The following PHACTR2 variants were observed in gnomAD, a reference collection of about 807,000 sequenced individuals.
PHACTR2 encodes chromosome 6 open reading frame 56.
Under a neutral mutation model 76.0 loss-of-function variants are expected in PHACTR2, and 30 were observed. The ratio of observed to expected loss-of-function variants is 0.39; its 90% CI spans 0.30 to 0.54. The LOEUF (loss-of-function observed/expected upper bound fraction) is 0.54, where lower values mean the gene tolerates loss of function less well. Ranked by LOEUF, PHACTR2 falls within the 20% of genes least tolerant of loss-of-function variation. The pLI is 0.61. For missense variants in PHACTR2, 696 were observed against 781.1 expected, an observed-to-expected ratio of 0.89 and a Z score of 1.30; for synonymous variants, 292 against 292.5, an observed-to-expected ratio of 1.00 and a Z score of 0.02.
chr6:143,803,113 G>C lies in PHACTR2; in HGVS notation c.1846-3944G>C, dbSNP rs1320420035. On this transcript the variant is annotated intron_variant, in intron 11 of 12. Coordinates refer to ENST00000440869, the MANE Select transcript of PHACTR2 (RefSeq NM_001100164.2). This position sits in a 1 kb window ranked among gnomAD's most constrained non-coding sequence, Gnocchi z 4.7. ...AGACTGTAGGATGTGAGGTTAAAAG[G>C]CTTGTGTATGAGCCCCATGTTTGTC... is the stretch of plus-strand genomic sequence containing the variant. Among the ~76,000 whole-genome samples, 1 of 152,112 alleles carries C rather than the reference G, an allele frequency of 6.6e-6. No homozygotes were observed. Among genetic ancestry groups the C allele is most frequent in the Non-Finnish European group, 1.5e-5 (1 of 68,020 alleles).
chr6:143,538,109 C>CACACACACAA (rs1562677834), intron 1 of PHACTR2, among the ~76,000 whole-genome samples: 1 of 152,156 alleles, frequency 6.6e-6, no homozygotes, highest in East Asian at 1.9e-4. Context: ...CACACACACA[C>CACACACACAA]ACACAAACAC....
Position 143,765,526 on chromosome 6 carries a change from C to T in PHACTR2, c.960C>T (p.Val320=). 2 of 1,614,226 alleles carry T rather than the reference C, an allele frequency of 1.2e-6. No homozygotes were observed. Among genetic ancestry groups the T allele is most frequent in the Non-Finnish European group, 1.7e-6 (2 of 1,180,042 alleles). ...AGAGTTTCAAACTCGAACAGACTGT[C>T]CCTGGAGCTGAGGAGCAGAACACAG... The part of the protein sequence containing the change: ...RVESFKLEQT[V]PGAEEQNTGK... Residue 320 remains valine (V), a synonymous_variant, in exon 6 of 13, where the codon GTC becomes GTT. Coordinates refer to ENST00000440869, the MANE Select transcript of PHACTR2 (RefSeq NM_001100164.2). The surrounding 1 kb of genome is among the most constrained non-coding windows in gnomAD (Gnocchi z 4.1).
Position 143,663,346 on chromosome 6 carries a change from GATGA to G in PHACTR2, c.14-48664_14-48661del, listed in dbSNP as rs766197023. Among the ~76,000 whole-genome samples, 14 of 152,274 alleles carry G rather than the reference GATGA, an allele frequency of 9.2e-5. No individual in the cohort carries two copies. The highest frequency in any genetic ancestry group is 1.3e-4 in the Non-Finnish European group (9 of 68,008). On this transcript the variant is annotated intron_variant, in intron 1 of 11. Transcript: ENST00000305766. This position sits in a 1 kb window ranked among gnomAD's most constrained non-coding sequence, Gnocchi z 4.1. Reference sequence around the variant, plus strand: ...TGAGTGAAGGCTTGCCCTCCCCGTGGATGAATGAAGTACTGAATATCCCAAAGCA... The same window carrying G: ...TGAGTGAAGGCTTGCCCTCCCCGTGGATGAAGTACTGAATATCCCAAAGCA...
rs373453835 is a variant in PHACTR2, at chr6:143,588,963, ACT to A, written c.217+51759_217+51760del. Among the ~76,000 whole-genome samples, 621 of 152,368 alleles carry A rather than the reference ACT, an allele frequency of 4.1e-3. 8 individuals are homozygous for A. Among genetic ancestry groups the A allele is most frequent in the African/African-American group, 0.014 (589 of 41,584 alleles). On this transcript the variant is annotated intron_variant, in intron 1 of 11. Coordinates refer to the PHACTR2 transcript ENST00000367584. Reference sequence around the variant, plus strand: ...ATCAATGATCAAAATGCTTCATAAGACTCTGAAGATTTTATGAGTTCAATTCA... The same window carrying A: ...ATCAATGATCAAAATGCTTCATAAGACTGAAGATTTTATGAGTTCAATTCA...
At chr6:143,718,692 C>G (rs1052422718) in intron 2 of PHACTR2, among the ~76,000 whole-genome samples, 2 of 152,146 alleles carry the variant, frequency 1.3e-5, no homozygotes, top group Non-Finnish European at 2.9e-5. Flanking sequence ...GGATAATATT[C>G]TCTTGTAACC....
chr6:143,574,761 C>A (rs547287229), intron 1 of PHACTR2, among the ~76,000 whole-genome samples: 1 of 151,460 alleles, frequency 6.6e-6, no homozygotes, highest in East Asian at 1.9e-4. Context: ...TCCAAGAGCC[C>A]AAAGGACTAA....
intron 1 of PHACTR2, among the ~76,000 whole-genome samples, chr6:143,692,604 C>T (rs542308189): frequency 6.6e-6 from 1 of 152,172 alleles, no homozygotes; most frequent in African/African-American, 2.4e-5. Context: ...AGTCATCCAA[C>T]CACAGAATGT....
In PHACTR2 at chr6:143,806,516, G is replaced by T. The variant is rs1447548234; in HGVS notation, c.1846-541G>T. Among the ~76,000 whole-genome samples the T allele has an allele frequency of 2.6e-5, 4 of 152,152 alleles. No individual in the cohort carries two copies. The highest frequency in any genetic ancestry group is 7.2e-5 in the African/African-American group (3 of 41,420). ...TTTCCTTGTGGTCATCGTGGGTGGG[G>T]GATGTTCCGTGTGACTCATAGACCA... On this transcript the variant is annotated intron_variant, in intron 11 of 12. Coordinates refer to ENST00000440869, the MANE Select transcript of PHACTR2 (RefSeq NM_001100164.2). The surrounding 1 kb of genome is among the most constrained non-coding windows in gnomAD (Gnocchi z 5.8).
Position 143,608,260 on chromosome 6 carries a change from A to C in PHACTR2, c.-50A>C. 1.9e-6 allele frequency: 3 copies of C among 1,608,654 alleles called. No individual in the cohort carries two copies. Among genetic ancestry groups the C allele is most frequent in the Non-Finnish European group, 2.6e-6 (3 of 1,175,266 alleles). On this transcript the variant is annotated 5_prime_UTR_variant, in exon 1 of 12. Coordinates refer to the PHACTR2 transcript ENST00000305766. This position sits in a 1 kb window ranked among gnomAD's most constrained non-coding sequence, Gnocchi z 4.6. ...GGGTGCTTCGTTAGTCAGAAGAGCC[A>C]GGGCTTCCCGGCTGCCAGGCTACAG...
chr6:143,788,095 A>G (rs1021694750), intron 10 of PHACTR2, among the ~76,000 whole-genome samples: 1 of 152,248 alleles, frequency 6.6e-6, no homozygotes, highest in Non-Finnish European at 1.5e-5. Context: ...CACAAGGAGG[A>G]ACCGAAGTTG....
intron 1 of PHACTR2, among the ~76,000 whole-genome samples, chr6:143,584,770 G>A (rs1015585375): frequency 6.6e-6 from 1 of 152,128 alleles, no homozygotes; most frequent in African/African-American, 2.4e-5. Context: ...GTCATGAGGA[G>A]GGACAAGTAT....
At chr6:143,718,875 G>GTTTTTT (rs1226236202) in intron 2 of PHACTR2, among the ~76,000 whole-genome samples, 14 of 123,580 alleles carry the variant, frequency 1.1e-4, no homozygotes, top group East Asian at 8.5e-4. Context: ...AGTTGGAAGT[G>GTTTTTT]TTTTTTTTTT....
rs568686883 is a variant in PHACTR2 at position 143,695,841 on chromosome 6, C to T, written c.47-16175C>T. ...CACATGTGGAAACAACAGTAAAATG[C>T]AACTTCCTGTGTTTAGCAGCCGTAG... On this transcript the variant is annotated intron_variant, in intron 1 of 12. Transcript: ENST00000440869. The surrounding 1 kb of genome is among the most constrained non-coding windows in gnomAD (Gnocchi z 4.4). Among the ~76,000 whole-genome samples, 2 of 152,318 alleles carry T rather than the reference C, an allele frequency of 1.3e-5. No homozygotes were observed. Among genetic ancestry groups the T allele is most frequent in the Admixed American group, 1.3e-4 (2 of 15,302 alleles).
At chr6:143,603,679 C>G (rs1775837791), upstream of PHACTR2, among the ~76,000 whole-genome samples, 1 of 152,240 alleles carries the variant, frequency 6.6e-6, no homozygotes, top group Admixed American at 6.5e-5. Context: ...TTTCTCCTAT[C>G]AACTGTTTTT....
In PHACTR2 at chr6:143,750,581, C is replaced by A. The variant is rs1014194620; in HGVS notation, c.295+1516C>A. Among the ~76,000 whole-genome samples, 2 of 152,100 alleles carry A rather than the reference C, an allele frequency of 1.3e-5. No individual in the cohort carries two copies. The highest frequency in any genetic ancestry group is 1.5e-5 in the Non-Finnish European group (1 of 68,000). ...TGGGTTTAAATGTGAAGATTAAAAGCCCATCTTTTTTTCCTAATTAAAATT... is the reference window on the plus strand; with the variant it reads ...TGGGTTTAAATGTGAAGATTAAAAGACCATCTTTTTTTCCTAATTAAAATT... On this transcript the variant is annotated intron_variant, in intron 3 of 12. Transcript: ENST00000440869. The surrounding 1 kb of genome is among the most constrained non-coding windows in gnomAD (Gnocchi z 4.6).
In PHACTR2 at chr6:143,581,321, G is replaced by A. The variant is rs1301671923; in HGVS notation, c.217+44114G>A. ...TGTATCAAGTTATCCTCCTGACCGG[G>A]CGCAGTGGTTCATGCCTGTAATCCC... On this transcript the variant is annotated intron_variant, in intron 1 of 11. Coordinates refer to the PHACTR2 transcript ENST00000367584. The surrounding 1 kb of genome is among the most constrained non-coding windows in gnomAD (Gnocchi z 4.5). Among the ~76,000 whole-genome samples, 1 of 152,182 alleles carries A rather than the reference G, an allele frequency of 6.6e-6. No homozygotes were observed. The highest frequency in any genetic ancestry group is 2.1e-4 in the South Asian group (1 of 4,830).
rs1027868781 is a variant in PHACTR2 at position 143,787,160 on chromosome 6, A to G, written c.1708-1613A>G. 3.3e-5 allele frequency among the ~76,000 whole-genome samples: 5 copies of G among 152,156 alleles called. No individual in the cohort carries two copies. The highest frequency in any genetic ancestry group is 9.7e-5 in the African/African-American group (4 of 41,436). On this transcript the variant is annotated intron_variant, in intron 10 of 12. Coordinates refer to ENST00000440869, the MANE Select transcript of PHACTR2 (RefSeq NM_001100164.2). This position sits in a 1 kb window ranked among gnomAD's most constrained non-coding sequence, Gnocchi z 4.6. Reference sequence around the variant, plus strand: ...CTGCACCCACTTGCCTCCACCATACATAGCTCCATGCCGTAGGTGCAGGTC... The same window carrying G: ...CTGCACCCACTTGCCTCCACCATACGTAGCTCCATGCCGTAGGTGCAGGTC...
At chr6:143,725,071 T>G (rs1281581064) in intron 2 of PHACTR2, among the ~76,000 whole-genome samples, 1 of 152,178 alleles carries the variant, frequency 6.6e-6, no homozygotes, top group Non-Finnish European at 1.5e-5. Context: ...TCCTCTTTGT[T>G]TTATATGTGT....
chr6:143,606,688 ACACT>A (rs1775878065), upstream of PHACTR2, among the ~76,000 whole-genome samples: 1 of 152,098 alleles, frequency 6.6e-6, no homozygotes, highest in African/African-American at 2.4e-5. Context: ...GGAGCTTATA[ACACT>A]CACTCTGGAT....
Sources: allele counts gnomAD v4.1 joint callset (sites outside exome capture counted in the v4.1 genomes callset), GRCh38; gene constraint gnomAD v4.1.1; non-coding constraint Gnocchi (gnomAD v3.1); transcripts MANE v1.5; gene names NCBI Gene and HGNC (gene_info 2026-07-23, HGNC 2026-07-21).